The following AFG2A variants were observed in gnomAD, a reference collection of about 807,000 sequenced individuals.
AFG2A encodes the protein ATPase family gene 2 protein homolog A.
At chr4:123,113,421 G>C in the AFG2A span, among the ~76,000 whole-genome samples, 3 of 151,870 alleles carry the variant, frequency 2.0e-5, no homozygotes, top group Admixed American at 6.6e-5. Context: ...TTACCCAGAC[G>C]ATCTCTACAG....
chr4:123,070,858 T>C, the AFG2A span, among the ~76,000 whole-genome samples: 1 of 152,198 alleles, frequency 6.6e-6, no homozygotes, highest in Non-Finnish European at 1.5e-5. Flanking sequence ...AAAGCAACCT[T>C]CCCAATGAGT....
chr4:122,962,069 C>T, the AFG2A span, among the ~76,000 whole-genome samples: 3 of 152,192 alleles, frequency 2.0e-5, no homozygotes, highest in Non-Finnish European at 4.4e-5. Context: ...TCATAAGGAG[C>T]AGACAACCTA....
At chr4:123,096,501 G>C in the AFG2A span, among the ~76,000 whole-genome samples, 110,905 of 151,858 alleles carry the variant, frequency 0.73, 41,052 homozygotes, top group East Asian at 0.97. Flanking sequence ...ATACATTTGT[G>C]TTGAATCTTA....
chr4:123,136,674 CA>C, the AFG2A span, among the ~76,000 whole-genome samples: 71 of 141,988 alleles, frequency 5.0e-4, no homozygotes, highest in Admixed American at 9.2e-4. Context: ...AATTCCGTCT[CA>C]AAAAAAAAAA....
chr4:123,015,335 T>TC, the AFG2A span, among the ~76,000 whole-genome samples: 1 of 151,690 alleles, frequency 6.6e-6, no homozygotes, highest in Non-Finnish European at 1.5e-5. Context: ...CCTGCGGCCT[T>TC]CCGCAGTGTT....
the AFG2A span, among the ~76,000 whole-genome samples, chr4:123,115,976 T>C: frequency 2.6e-5 from 4 of 152,188 alleles, no homozygotes; most frequent in East Asian, 7.7e-4. Context: ...CGTGGCTCAC[T>C]GCAGCCTTGA....
chr4:123,184,594 T>C, the AFG2A span, among the ~76,000 whole-genome samples: 15 of 130,800 alleles, frequency 1.1e-4, 1 homozygote, highest in Admixed American at 9.0e-4. Flanking sequence ...TGGAGTGCAG[T>C]GGCGGGATCT....
At chr4:123,318,383 A>C in the AFG2A span, 2 of 152,214 alleles carry the variant, frequency 1.3e-5, no homozygotes, top group African/African-American at 4.8e-5. Flanking sequence ...ATTTTTAAAG[A>C]TTTTAGAACA....
the AFG2A span, among the ~76,000 whole-genome samples, chr4:123,006,638 A>T: frequency 3.9e-5 from 6 of 152,044 alleles, no homozygotes; most frequent in East Asian, 1.2e-3. Flanking sequence ...TCTGCTGTTA[A>T]TTCCATTCAG....
chr4:123,298,177 C>G, the AFG2A span, among the ~76,000 whole-genome samples: 4 of 152,224 alleles, frequency 2.6e-5, no homozygotes, highest in African/African-American at 9.6e-5. Context: ...TTGTCCTCAT[C>G]ATAGTGACAA....
the AFG2A span, among the ~76,000 whole-genome samples, chr4:123,270,306 T>C: frequency 8.7e-4 from 132 of 152,258 alleles, 1 homozygote; most frequent in Middle Eastern, 0.02. Context: ...AAAGATAAAA[T>C]AGTAGAGCAT....
chr4:123,174,772 C>T, the AFG2A span, among the ~76,000 whole-genome samples: 1 of 151,504 alleles, frequency 6.6e-6, no homozygotes, highest in African/African-American at 2.4e-5. Flanking sequence ...GGTATAACCA[C>T]AGAGCTAATA....
At chr4:122,960,892 T>C in the AFG2A span, among the ~76,000 whole-genome samples, 1 of 152,248 alleles carries the variant, frequency 6.6e-6, no homozygotes, top group East Asian at 1.9e-4. Context: ...TAATATTTTT[T>C]ACTATTTTTT....
At chr4:123,184,839 G>A in the AFG2A span, among the ~76,000 whole-genome samples, 57 of 152,208 alleles carry the variant, frequency 3.7e-4, no homozygotes, top group Middle Eastern at 3.4e-3. Context: ...CCCGGCCCCA[G>A]CATGATCATT....
At chr4:123,246,867 A>T in the AFG2A span, among the ~76,000 whole-genome samples, 1 of 152,276 alleles carries the variant, frequency 6.6e-6, no homozygotes. Flanking sequence ...TCAATCTGGT[A>T]AATTTCCCCT....
chr4:123,099,374 A>G, the AFG2A span, among the ~76,000 whole-genome samples: 6 of 151,538 alleles, frequency 4.0e-5, no homozygotes, highest in Non-Finnish European at 5.9e-5. Context: ...CCATTAGTCT[A>G]TTTTTTCTTT....
At chr4:123,077,080 C>G in the AFG2A span, among the ~76,000 whole-genome samples, 2 of 132,980 alleles carry the variant, frequency 1.5e-5, no homozygotes, top group Non-Finnish European at 3.1e-5. Context: ...CAGAGTCTCA[C>G]TTTGTTGCCC....
chr4:123,022,802 TAGAC>T, the AFG2A span, among the ~76,000 whole-genome samples: 1 of 152,058 alleles, frequency 6.6e-6, no homozygotes, highest in African/African-American at 2.4e-5. Context: ...CCAACAATGA[TAGAC>T]AGGATTAAGA....
chr4:123,191,733 A>G, the AFG2A span, among the ~76,000 whole-genome samples: 3 of 152,048 alleles, frequency 2.0e-5, no homozygotes, highest in Non-Finnish European at 2.9e-5. Context: ...TGGCCTCCCT[A>G]TAACTTTAAC....
Sources: allele counts gnomAD v4.1 joint callset (sites outside exome capture counted in the v4.1 genomes callset), GRCh38; gene constraint gnomAD v4.1.1; transcripts MANE v1.5; gene names NCBI Gene and HGNC (gene_info 2026-07-23, HGNC 2026-07-21).